Variants in ARHGEF17 observed in about 807,000 individuals in gnomAD.
ARHGEF17 encodes Rho guanine nucleotide exchange factor 17.
A neutral mutation model predicts 174.0 loss-of-function variants in ARHGEF17; 80 were observed. That is an observed-to-expected ratio of 0.46 (90% confidence interval 0.38 to 0.55). ARHGEF17 has a LOEUF of 0.55. Ranked by LOEUF, ARHGEF17 falls within the 20% of genes least tolerant of loss-of-function variation. ARHGEF17 has a pLI of 0.00. For missense variants in ARHGEF17, 2,886 were observed against 2,839.7 expected, an observed-to-expected ratio of 1.02 and a Z score of -0.37; for synonymous variants, 1,311 against 1,189.1, an observed-to-expected ratio of 1.10 and a Z score of -2.11.
intron 15 of ARHGEF17, 94 bp downstream of exon 15, chr11:73,363,549 C>A: frequency 6.5e-7 from 1 of 1,533,372 alleles, no homozygotes. Context: ...GGCAGGAGGG[C>A]TTTGGGTCAC....
intron 6 of ARHGEF17, 89 bp downstream of exon 6, chr11:73,356,440 A>T: frequency 7.0e-7 from 1 of 1,438,374 alleles, no homozygotes; most frequent in African/African-American, 1.4e-5. Flanking sequence ...GCCACCTGGA[A>T]TCGTGGCTGT....
At chr11:73,332,191 T>G (rs55669228) in intron 1 of ARHGEF17, among the ~76,000 whole-genome samples, 10,971 of 152,230 alleles carry the variant, frequency 0.072, 481 homozygotes, top group Non-Finnish European at 0.11. Flanking sequence ...CTATATTCTC[T>G]ACTTTATAGA....
At position 73,309,230 on chromosome 11, in the gene ARHGEF17, C is replaced by T. The variant is rs1483234337; in HGVS notation, c.592C>T (p.Arg198Cys). ...CGGGCCGGAGACCGAAGGGAGGCTG[C>T]GCCGGCCGCAGCAGCAACAGGAGCG... Reference protein sequence around the residue: ...LTGPETEGRLRRPQQQQERAQ... With the variant: ...LTGPETEGRLCRPQQQQERAQ... The change falls in exon 1 of 21, where the codon CGC (arginine) becomes TGC (cysteine). Residue 198 changes from arginine (R) to cysteine (C), a missense_variant. Physicochemically the swap from Arg to Cys is radical, Grantham distance 180. This residue lies in a region of ARHGEF17 where 1,728 missense variants were observed against 1,461.2 expected (regional missense o/e 1.18). Transcript: ENST00000263674. The T allele has an allele frequency of 2.5e-6, 4 of 1,601,650 alleles. No individual in the cohort carries two copies. The highest frequency in any genetic ancestry group is 3.4e-6 in the Non-Finnish European group (4 of 1,174,240).
Position 73,362,202 on chromosome 11 carries a change from A to C in ARHGEF17, c.4657A>C (p.Ile1553Leu). ...IAVCSARILC[I>L]GAVPGLQPRC... ...CGTCTGTTCCGCCCGCATCCTCTGC[A>C]TCGGGGCGGTGCCCGGGCTGCAGCC... is the stretch of plus-strand genomic sequence containing the variant. The change falls in exon 13 of 21, where the codon ATC (isoleucine) becomes CTC (leucine). Residue 1553 changes from isoleucine to leucine, a missense_variant. By Grantham distance (5) the Ile-to-Leu change is conservative. Around this residue, in one of 4 missense-constraint regions of ARHGEF17, gnomAD observed 476 missense variants for 473.1 expected, o/e 1.01. Coordinates refer to ENST00000263674, the MANE Select transcript of ARHGEF17 (RefSeq NM_014786.4). 6.4e-7 allele frequency: 1 copy of C among 1,562,810 alleles called. No homozygotes were observed. The highest frequency in any genetic ancestry group is 8.6e-7 in the Non-Finnish European group (1 of 1,158,704).
rs140374939 is a variant in ARHGEF17 at position 73,311,678 on chromosome 11, C to T, written c.3040C>T (p.Leu1014=). 2,035 of 1,613,424 alleles carry T rather than the reference C, an allele frequency of 1.3e-3. 29 individuals are homozygous for T. The African/African-American group carries it at 0.024, about 19-fold the overall frequency. The change falls in exon 1 of 21, where the codon CTG becomes TTG. Residue 1014 remains leucine (L), a synonymous_variant. Coordinates refer to ENST00000263674, the MANE Select transcript of ARHGEF17 (RefSeq NM_014786.4). ...EDVTKQYMLN[L]HSGEVPAPVP... ...CGTCACCAAGCAGTACATGCTGAAC[C>T]TGCACTCCGGTGAGGTCCCTGCCCC...
chr11:73,327,540 A>G (rs1374803823), intron 1 of ARHGEF17, among the ~76,000 whole-genome samples: 1 of 152,250 alleles, frequency 6.6e-6, no homozygotes, highest in Non-Finnish European at 1.5e-5. Context: ...CTGGTCCACC[A>G]TACAGCCTAA....
rs1237574952 is a variant in ARHGEF17, at chr11:73,310,061, C to T, written c.1423C>T (p.Leu475Phe). 1.2e-6 allele frequency: 2 copies of T among 1,614,082 alleles called. No homozygotes were observed. Among genetic ancestry groups the T allele is most frequent in the Non-Finnish European group, 1.7e-6 (2 of 1,180,036 alleles). Residue 475 changes from leucine to phenylalanine, a missense_variant, in exon 1 of 21, where the codon CTC (leucine) becomes TTC (phenylalanine). Transcript: ENST00000263674. The part of the protein sequence containing the change: ...PDIASETLTL[L>F]SFLRSDLSEL... The stretch of plus-strand genomic sequence containing the variant: ...TATCGCCTCAGAGACCCTGACGCTT[C>T]TCAGTTTCCTGCGCTCAGACCTTTC...
chr11:73,335,226 C>A (rs1007157567), intron 1 of ARHGEF17, among the ~76,000 whole-genome samples: 1 of 152,164 alleles, frequency 6.6e-6, no homozygotes, highest in Non-Finnish European at 1.5e-5. Context: ...GGGTCCTTCT[C>A]GACTGCCAAG....
At chr11:73,328,439 C>A (rs1362056625) in intron 1 of ARHGEF17, among the ~76,000 whole-genome samples, 2 of 152,176 alleles carry the variant, frequency 1.3e-5, no homozygotes, top group Non-Finnish European at 2.9e-5. Context: ...GCCAGAGTCA[C>A]CCAGTGACTT....
chr11:73,360,684 A>C, intron 11 of ARHGEF17, 151 bp downstream of exon 11: 1 of 780,528 alleles, frequency 1.3e-6, no homozygotes, highest in African/African-American at 1.7e-5. Context: ...CTGCAGTGAA[A>C]CATCAGACTG....
intron 17 of ARHGEF17, 52 bp downstream of exon 17, chr11:73,364,291 G>T: frequency 1.9e-6 from 3 of 1,609,822 alleles, no homozygotes; most frequent in Non-Finnish European, 2.5e-6. Context: ...ACTGGTGTTG[G>T]GGCTCTCTCC....
In ARHGEF17 at chr11:73,317,940, A is replaced by T. The variant is rs939163951; in HGVS notation, c.3192+6110A>T. ...CTAGGGACAGCCTGGTGTCTGTACT[A>T]GGAGTCAGGAGATCAGCTTTGCCTC... On this transcript the variant is annotated intron_variant, in intron 1 of 20. Transcript: ENST00000263674. 5.3e-5 allele frequency among the ~76,000 whole-genome samples: 8 copies of T among 152,292 alleles called. No homozygotes were observed. The East Asian group carries it at 7.7e-4, about 15-fold the overall frequency.
rs1865814488 is a variant in ARHGEF17, at chr11:73,365,241, C to G, written c.5551-149C>G. The stretch of plus-strand genomic sequence containing the variant: ...TTCCTGAGAACTAAGTTGGGAGGTG[C>G]TGGTGAAACCAAGCTTCGAAAGGTT... On this transcript the variant is annotated intron_variant, in intron 18 of 20. Transcript: ENST00000263674. The surrounding 1 kb of genome is among the most constrained non-coding windows in gnomAD (Gnocchi z 4.9). 2 of 790,232 alleles carry G rather than the reference C, an allele frequency of 2.5e-6. No homozygotes were observed. Among genetic ancestry groups the G allele is most frequent in the Admixed American group, 5.2e-5 (2 of 38,184 alleles). 49.0% of individuals were successfully genotyped at this position (790,232 alleles called of 1,614,324 possible). A position where few individuals can be genotyped will look rare whatever the true frequency, so the allele number is the denominator to read the frequency against.
At chr11:73,329,359 A>AT (rs1865161040) in intron 1 of ARHGEF17, among the ~76,000 whole-genome samples, 6 of 2,698 alleles carry the variant, frequency 2.2e-3, no homozygotes, top group Non-Finnish European at 3.6e-3. Context: ...ATATATATAT[A>AT]TATATATATA....
rs1294788385 is a variant in ARHGEF17, at chr11:73,309,919, C to T, written c.1281C>T (p.Leu427=). ...CTAGCTTTGGAGCTGGGGAAGGGCT[C>T]CTGCGGTCCCAGGCTCGAACCCGTG... The part of the protein sequence containing the change: ...RSPSFGAGEG[L]LRSQARTRAK... The change falls in exon 1 of 21, where the codon CTC becomes CTT. Residue 427 remains leucine, a synonymous_variant. Transcript: ENST00000263674. 9.3e-6 allele frequency: 15 copies of T among 1,613,252 alleles called. No homozygotes were observed. Among genetic ancestry groups the T allele is most frequent in the Non-Finnish European group, 1.1e-5 (13 of 1,179,810 alleles).
At chr11:73,316,839 T>C (rs1004133914) in intron 1 of ARHGEF17, among the ~76,000 whole-genome samples, 4 of 152,138 alleles carry the variant, frequency 2.6e-5, no homozygotes, top group Admixed American at 2.0e-4. Context: ...CTGCTCCATG[T>C]GGATAGATTG....
chr11:73,308,757 G>A lies in ARHGEF17; in HGVS notation c.119G>A (p.Arg40Gln). Reference protein sequence around the residue: ...EEDTDTPGLRRRASCRPTTAA... With the variant: ...EEDTDTPGLRQRASCRPTTAA... The stretch of plus-strand genomic sequence containing the variant: ...GACACGGACACCCCCGGCTTGAGGC[G>A]ACGCGCCTCGTGCCGGCCGACCACG... Residue 40 changes from arginine (R) to glutamine (Q), a missense_variant, in exon 1 of 21, where the codon CGA becomes CAA. By Grantham distance (43) the Arg-to-Gln change is conservative. Transcript: ENST00000263674. 3 of 1,467,308 alleles carry A rather than the reference G, an allele frequency of 2.0e-6. No homozygotes were observed. Among genetic ancestry groups the A allele is most frequent in the Non-Finnish European group, 2.7e-6 (3 of 1,116,766 alleles). The allele number at this position is 1,467,308 out of a possible 1,614,324, so 90.9% of individuals were successfully genotyped here.
At chr11:73,351,727 G>A (rs772643115) in intron 2 of ARHGEF17, among the ~76,000 whole-genome samples, 48 of 151,988 alleles carry the variant, frequency 3.2e-4, no homozygotes, top group Admixed American at 9.2e-4. Flanking sequence ...GACTACAGGC[G>A]CACACCACTA....
intron 1 of ARHGEF17, among the ~76,000 whole-genome samples, chr11:73,337,576 G>C (rs1227046265): frequency 6.6e-6 from 1 of 152,008 alleles, no homozygotes; most frequent in African/African-American, 2.4e-5. Flanking sequence ...TGTGCCACCA[G>C]GTCTGGCTAT....
Sources: allele counts gnomAD v4.1 joint callset (sites outside exome capture counted in the v4.1 genomes callset), GRCh38; gene constraint gnomAD v4.1.1; regional missense constraint gnomAD v4.1.1; non-coding constraint Gnocchi (gnomAD v3.1); transcripts MANE v1.5; gene names NCBI Gene and HGNC (gene_info 2026-07-23, HGNC 2026-07-21).